SLC2A12: variants seen among roughly 807,000 people sequenced by gnomAD.
The protein encoded by SLC2A12 is solute carrier family 2, facilitated glucose transporter member 12.
SLC2A12 carries 23 observed loss-of-function variants against 41.8 expected under a neutral mutation model. The ratio of observed to expected loss-of-function variants is 0.55; its 90% CI spans 0.40 to 0.78. The LOEUF (loss-of-function observed/expected upper bound fraction) is 0.78. SLC2A12 is among the 30% of genes least tolerant of loss of function. The pLI is 0.00. For missense variants in SLC2A12, 654 were observed against 745.6 expected (o/e 0.88, Z 1.43); for synonymous variants, 295 against 285.9 (o/e 1.03, Z -0.32).
intron 2 of SLC2A12, among the ~76,000 whole-genome samples, chr6:134,022,865 A>G (rs1010666581): frequency 7.2e-5 from 11 of 152,224 alleles, no homozygotes; most frequent in Admixed American, 3.9e-4. Context: ...TTCCTGTAAC[A>G]GGACTTATTG....
intron 1 of SLC2A12, among the ~76,000 whole-genome samples, chr6:134,046,337 G>C (rs1002600859): frequency 2.6e-5 from 4 of 152,118 alleles, no homozygotes; most frequent in Non-Finnish European, 5.9e-5. Flanking sequence ...AATTACACTT[G>C]CTTTACTTAA....
intron 4 of SLC2A12, among the ~76,000 whole-genome samples, chr6:133,994,923 C>T (rs931677512): frequency 1.3e-5 from 2 of 152,108 alleles, no homozygotes; most frequent in Non-Finnish European, 2.9e-5. Flanking sequence ...CTATCCCCAG[C>T]CAAGAGCACT....
intron 1 of SLC2A12, among the ~76,000 whole-genome samples, chr6:134,043,004 A>G (rs1777403976): frequency 6.6e-6 from 1 of 151,480 alleles, no homozygotes; most frequent in South Asian, 2.1e-4. Context: ...AACAAAAACC[A>G]AACACACACA....
chr6:134,025,929 G>A (rs1426648887), intron 2 of SLC2A12, among the ~76,000 whole-genome samples: 1 of 152,188 alleles, frequency 6.6e-6, no homozygotes, highest in African/African-American at 2.4e-5. Flanking sequence ...CAAATGATGT[G>A]TTAGAGACTG....
intron 3 of SLC2A12, 109 bp from the exon 4 acceptor site, chr6:134,002,238 C>T (rs1776762295): frequency 1.1e-5 from 12 of 1,141,638 alleles, no homozygotes; most frequent in Non-Finnish European, 1.5e-5. Flanking sequence ...TTCAAACATG[C>T]CAGCAGTATC....
At chr6:134,052,295 A>ACACACACACACG in intron 1 of SLC2A12, 83 bp downstream of exon 1, 1 of 1,109,208 alleles carries the variant, frequency 9.0e-7, no homozygotes, top group African/African-American at 1.6e-5. Context: ...ACACACACAC[A>ACACACACACACG]CGGGACTCAA....
intron 4 of SLC2A12, among the ~76,000 whole-genome samples, chr6:133,992,284 A>G (rs1161666278): frequency 6.6e-6 from 1 of 152,188 alleles, no homozygotes. Context: ...GTGGGCATAG[A>G]TGTAGGTAGG....
At chr6:134,017,843 G>A (rs1446298075) in intron 2 of SLC2A12, among the ~76,000 whole-genome samples, 2 of 150,534 alleles carry the variant, frequency 1.3e-5, no homozygotes, top group Admixed American at 6.6e-5. Context: ...GGGCGACAGA[G>A]CGAGACTCTG....
chr6:134,020,538 G>A (rs1468874514), intron 2 of SLC2A12, among the ~76,000 whole-genome samples: 1 of 152,008 alleles, frequency 6.6e-6, no homozygotes, highest in Non-Finnish European at 1.5e-5. Context: ...ATTACTACAG[G>A]ATATTTTCTT....
intron 1 of SLC2A12, among the ~76,000 whole-genome samples, chr6:134,039,756 G>A (rs1399060954): frequency 3.9e-5 from 6 of 152,170 alleles, no homozygotes; most frequent in Admixed American, 3.3e-4. Flanking sequence ...GGGTCATGGG[G>A]GCCCTTATGA....
At position 133,989,736 on chromosome 6, in the gene SLC2A12, A is replaced by G. The variant is rs1385066; in HGVS notation, c.*1419T>C. On this transcript the variant is annotated 3_prime_UTR_variant, in exon 5 of 5. Transcript: ENST00000275230. The stretch of plus-strand genomic sequence containing the variant: ...TTACATAGGTTTATAGTCTCTCCAC[A>G]TTGTTATAAAGGAATGTAATAGATC... 0.4 allele frequency: 60,868 copies of G among 151,998 alleles called. 15,042 individuals are homozygous for G. The highest frequency in any genetic ancestry group is 0.57 in the Non-Finnish European group (39,035 of 67,970). 9.4% of individuals were successfully genotyped at this position (151,998 alleles called of 1,614,324 possible).
intron 4 of SLC2A12, among the ~76,000 whole-genome samples, chr6:134,001,589 T>C (rs773109852): frequency 1.3e-4 from 20 of 152,174 alleles, no homozygotes; most frequent in Admixed American, 3.3e-4. Flanking sequence ...TACGTACATA[T>C]TGGTTGGTCA....
At position 134,028,859 on chromosome 6, in the gene SLC2A12, C is replaced by T. The variant is rs1777153949; in HGVS notation, c.966G>A (p.Gly322=). The T allele has an allele frequency of 1.2e-6, 2 of 1,614,172 alleles. No homozygotes were observed. Among genetic ancestry groups the T allele is most frequent in the Non-Finnish European group, 1.7e-6 (2 of 1,180,046 alleles). ...TGCTAATGACCTTGACGACTCCAAC[C>T]CCAGTGGAGGCGAGGCTAGCTGCCT... ...SNEAASLAST[G]VGVVKVISTI... is the part of the protein sequence containing the mutation. The change falls in exon 2 of 5, where the codon GGG becomes GGA. Residue 322 remains glycine, a synonymous_variant. Transcript: ENST00000275230.
intron 4 of SLC2A12, among the ~76,000 whole-genome samples, chr6:133,991,950 TAAAC>T (rs1776628994): frequency 6.6e-6 from 1 of 151,946 alleles, no homozygotes; most frequent in South Asian, 2.1e-4. Flanking sequence ...AAATGAGAAA[TAAAC>T]GGGGAAGGAG....
chr6:134,041,614 C>T (rs1026551244), intron 1 of SLC2A12, among the ~76,000 whole-genome samples: 1 of 152,032 alleles, frequency 6.6e-6, no homozygotes, highest in African/African-American at 2.4e-5. Flanking sequence ...GTCTGAGGAG[C>T]TCTTTCCCTT....
Position 134,018,023 on chromosome 6 carries a change from C to T in SLC2A12, c.1444+10358G>A, listed in dbSNP as rs144398310. Among the ~76,000 whole-genome samples, 9 of 152,124 alleles carry T rather than the reference C, an allele frequency of 5.9e-5. 1 individual carries two copies. In the East Asian group the frequency reaches 1.6e-3, roughly 26 times the overall value. ...TAGGATTGAACTATGTTTCTCAAAG[C>T]CACAATCCGGTCTCTGTGGTCCTGA... On this transcript the variant is annotated intron_variant, in intron 2 of 4. Coordinates refer to ENST00000275230, the MANE Select transcript of SLC2A12 (RefSeq NM_145176.3).
At position 133,990,978 on chromosome 6, in the gene SLC2A12, T is replaced by C. The variant is rs115595839; in HGVS notation, c.*177A>G. The C allele has an allele frequency of 1.0e-3, 682 of 663,150 alleles. 3 individuals carry two copies. The African/African-American group carries it at 0.011, about 11-fold the overall frequency. The allele number at this position is 663,150 out of a possible 1,614,324, so 41.1% of individuals were successfully genotyped here. On this transcript the variant is annotated 3_prime_UTR_variant, in exon 5 of 5. Transcript: ENST00000275230. ...AGGACCTTGTACCTCATCTACCTTT[T>C]GAGGTTCCTTCTGGGGAGGAGGGGG...
At chr6:134,015,450 C>T (rs903693427) in intron 2 of SLC2A12, among the ~76,000 whole-genome samples, 5 of 152,226 alleles carry the variant, frequency 3.3e-5, no homozygotes, top group East Asian at 3.9e-4. Context: ...ACATCCTGCA[C>T]ATGTACCCCT....
At chr6:134,033,220 CA>C (rs1329601965) in intron 1 of SLC2A12, among the ~76,000 whole-genome samples, 1 of 151,896 alleles carries the variant, frequency 6.6e-6, no homozygotes, top group Middle Eastern at 3.2e-3. Flanking sequence ...ATAATGGGGC[CA>C]AAAAACTTAA....
Sources: allele counts gnomAD v4.1 joint callset (sites outside exome capture counted in the v4.1 genomes callset), GRCh38; gene constraint gnomAD v4.1.1; transcripts MANE v1.5; gene names NCBI Gene and HGNC (gene_info 2026-07-23, HGNC 2026-07-21).